The following XRCC4 variants were observed in gnomAD, a reference collection of about 807,000 sequenced individuals.
XRCC4 encodes X-ray repair cross complementing 4.
In XRCC4, 28 loss-of-function variants were observed where a neutral mutation model predicts 39.1. The ratio of observed to expected loss-of-function variants is 0.72; its 90% CI spans 0.53 to 0.98. XRCC4 has a LOEUF of 0.98. Among genes scored for constraint, XRCC4 ranks in the 50% least tolerant of loss-of-function variants. The pLI is 0.00. For synonymous variants in XRCC4, 123 were observed against 126.4 expected (o/e 0.97, Z 0.18); for missense variants, 350 against 376.4 (o/e 0.93, Z 0.58).
At chr5:83,184,227 CTTATTT>C (rs1275484221) in intron 3 of XRCC4, among the ~76,000 whole-genome samples, 1 of 151,712 alleles carries the variant, frequency 6.6e-6, no homozygotes, top group African/African-American at 2.4e-5. Flanking sequence ...TTTTAAAATA[CTTATTT>C]TTATGATTTT....
At chr5:83,078,761 A>T (rs1459127883) in intron 1 of XRCC4, among the ~76,000 whole-genome samples, 1 of 152,206 alleles carries the variant, frequency 6.6e-6, no homozygotes, top group Non-Finnish European at 1.5e-5. Flanking sequence ...GCATAGGAAC[A>T]AAGATGGTCT....
chr5:83,101,024 C>G (rs1328317494), intron 1 of XRCC4, among the ~76,000 whole-genome samples: 1 of 151,922 alleles, frequency 6.6e-6, no homozygotes, highest in East Asian at 1.9e-4. Context: ...ATTATCGTAT[C>G]AAACCTACAA....
At chr5:83,260,646 T>A (rs1302660991) in intron 7 of XRCC4, among the ~76,000 whole-genome samples, 2 of 152,112 alleles carry the variant, frequency 1.3e-5, no homozygotes, top group African/African-American at 2.4e-5. Flanking sequence ...GAAAGAAGTT[T>A]AGCTCTGAAT....
chr5:83,340,163 A>C (rs1756712043), intron 7 of XRCC4, among the ~76,000 whole-genome samples: 1 of 152,152 alleles, frequency 6.6e-6, no homozygotes, highest in South Asian at 2.1e-4. Flanking sequence ...TGGACCTTAC[A>C]TGTCTTGCTC....
intron 7 of XRCC4, among the ~76,000 whole-genome samples, chr5:83,262,888 A>C (rs1284880850): frequency 5.1e-5 from 7 of 137,326 alleles, no homozygotes; most frequent in African/African-American, 1.6e-4. Flanking sequence ...ACATGTGCAC[A>C]TTGTGCAGGT....
chr5:83,373,944 A>G, the XRCC4 span, among the ~76,000 whole-genome samples: 220 of 152,310 alleles, frequency 1.4e-3, no homozygotes, highest in African/African-American at 5.1e-3. Flanking sequence ...AAATATATGG[A>G]TAATTGATGG....
intron 6 of XRCC4, among the ~76,000 whole-genome samples, chr5:83,249,537 GT>G (rs1753232926): frequency 6.6e-6 from 1 of 152,096 alleles, no homozygotes; most frequent in Non-Finnish European, 1.5e-5. Context: ...CAAATAGAAT[GT>G]TTTTTCCTAA....
At chr5:83,247,793 TA>T (rs1370328849) in intron 6 of XRCC4, among the ~76,000 whole-genome samples, 1 of 152,240 alleles carries the variant, frequency 6.6e-6, no homozygotes, top group African/African-American at 2.4e-5. Context: ...TTACTCTACA[TA>T]ATGGTAATTT....
At chr5:83,145,800 T>C (rs1174612412) in intron 3 of XRCC4, among the ~76,000 whole-genome samples, 1 of 152,194 alleles carries the variant, frequency 6.6e-6, no homozygotes, top group Non-Finnish European at 1.5e-5. Context: ...TATTCAGTGT[T>C]ATTCTTTTTT....
At position 83,138,038 on chromosome 5, in the gene XRCC4, G is replaced by A. The variant is rs184556050; in HGVS notation, c.315+26835G>A. 2.0e-5 allele frequency among the ~76,000 whole-genome samples: 3 copies of A among 152,120 alleles called. 1 individual carries two copies. Among genetic ancestry groups the A allele is most frequent in the Admixed American group, 2.0e-4 (3 of 15,292 alleles). ...GCAAACATTTATCTACTTTATAATG[G>A]AAGTACTTGAGTTCAGATAGATTAA... On this transcript the variant is annotated intron_variant, in intron 3 of 7. Coordinates refer to ENST00000396027, the MANE Select transcript of XRCC4 (RefSeq NM_003401.5).
intron 3 of XRCC4, among the ~76,000 whole-genome samples, chr5:83,153,591 G>T (rs537381072): frequency 6.6e-6 from 1 of 152,142 alleles, no homozygotes; most frequent in Non-Finnish European, 1.5e-5. Flanking sequence ...CCATCAGTGC[G>T]CACCTTCCTA....
chr5:83,280,492 G>A, intron 7 of XRCC4: 1 of 828,258 alleles, frequency 1.2e-6, no homozygotes, highest in South Asian at 1.5e-5. Context: ...TAGTAGAAGA[G>A]TTCTGCTCAT....
intron 7 of XRCC4, among the ~76,000 whole-genome samples, chr5:83,273,867 T>C (rs986149995): frequency 6.6e-6 from 1 of 152,142 alleles, no homozygotes; most frequent in African/African-American, 2.4e-5. Context: ...ACTAGCCTTG[T>C]TCTTTTTGCT....
intron 7 of XRCC4, among the ~76,000 whole-genome samples, chr5:83,306,152 T>C (rs1755476119): frequency 6.6e-6 from 1 of 152,104 alleles, no homozygotes; most frequent in African/African-American, 2.4e-5. Flanking sequence ...AATAGAAACA[T>C]GTGGTCCTCA....
chr5:83,215,107 G>A (rs1047094457), intron 6 of XRCC4, among the ~76,000 whole-genome samples: 12 of 152,008 alleles, frequency 7.9e-5, no homozygotes, highest in African/African-American at 2.2e-4. Flanking sequence ...AAGCTGATGC[G>A]GGCAGATCAT....
rs149574729 is a variant in XRCC4, at chr5:83,091,313, G to A, written c.-10-13597G>A. Among the ~76,000 whole-genome samples, 50 of 152,276 alleles carry A rather than the reference G, an allele frequency of 3.3e-4. 1 individual carries two copies. The highest frequency in any genetic ancestry group is 5.9e-4 in the Non-Finnish European group (40 of 68,006). On this transcript the variant is annotated intron_variant, in intron 1 of 7. Transcript: ENST00000396027. Reference sequence around the variant, plus strand: ...GCAGGCATATCTTACATGGTGGCAGGTGAGAGAGAAGAGTGAAATGGGAAC... The same window carrying A: ...GCAGGCATATCTTACATGGTGGCAGATGAGAGAGAAGAGTGAAATGGGAAC...
At chr5:83,198,829 T>C (rs1322264114) in intron 4 of XRCC4, among the ~76,000 whole-genome samples, 1 of 152,182 alleles carries the variant, frequency 6.6e-6, no homozygotes, top group Non-Finnish European at 1.5e-5. Context: ...TTTGAACAAG[T>C]GGCATCAGTG....
intron 3 of XRCC4, among the ~76,000 whole-genome samples, chr5:83,167,391 C>T (rs1325846851): frequency 1.3e-5 from 2 of 152,092 alleles, no homozygotes; most frequent in African/African-American, 4.8e-5. Context: ...GAGATTCTGA[C>T]AGTACAAGGA....
intron 3 of XRCC4, among the ~76,000 whole-genome samples, chr5:83,142,001 T>C (rs2112521829): frequency 6.6e-6 from 1 of 152,330 alleles, no homozygotes; most frequent in Non-Finnish European, 1.5e-5. Context: ...TGTGGAAATA[T>C]CTTACCTATC....
Sources: allele counts gnomAD v4.1 joint callset (sites outside exome capture counted in the v4.1 genomes callset), GRCh38; gene constraint gnomAD v4.1.1; transcripts MANE v1.5; gene names NCBI Gene and HGNC (gene_info 2026-07-23, HGNC 2026-07-21).